TMEM117: variants seen among roughly 807,000 people sequenced by gnomAD.
TMEM117 encodes the protein transmembrane protein 117.
Under a neutral mutation model 52.4 loss-of-function variants are expected in TMEM117, and 27 were observed. The observed-to-expected ratio is 0.51, with a 90% CI of 0.38 to 0.71. The LOEUF (loss-of-function observed/expected upper bound fraction) is 0.71, where lower values mean the gene tolerates loss of function less well. Among genes scored for constraint, TMEM117 ranks in the 30% least tolerant of loss-of-function variants. TMEM117 has a pLI of 0.00. For synonymous variants in TMEM117, 215 were observed against 206.3 expected (o/e 1.04, Z -0.36); for missense variants, 556 against 630.5 (o/e 0.88, Z 1.26).
intron 3 of TMEM117, among the ~76,000 whole-genome samples, chr12:44,056,635 A>G (rs1037553403): frequency 2.0e-5 from 3 of 152,158 alleles, no homozygotes; most frequent in Middle Eastern, 3.2e-3. Flanking sequence ...TAAATTATAC[A>G]TTTGTGGGAA....
chr12:43,882,148 A>G lies in TMEM117; in HGVS notation c.277+37220A>G, dbSNP rs550507075. 3.3e-5 allele frequency among the ~76,000 whole-genome samples: 5 copies of G among 152,266 alleles called. No homozygotes were observed. In the South Asian group the frequency reaches 6.2e-4, roughly 19 times the overall value. On this transcript the variant is annotated intron_variant, in intron 2 of 7. Coordinates refer to ENST00000266534, the MANE Select transcript of TMEM117 (RefSeq NM_032256.3). ...TGTACTTACTAAAAAATTTAAAATT[A>G]TGTGTGAAGCTTGCATTATATTCCT...
intron 3 of TMEM117, among the ~76,000 whole-genome samples, chr12:44,135,996 T>C (rs1948485027): frequency 6.6e-6 from 1 of 152,218 alleles, no homozygotes; most frequent in East Asian, 1.9e-4. Flanking sequence ...AATCATTATA[T>C]AGGGTAAATT....
chr12:44,298,677 A>G (rs1950798953), intron 5 of TMEM117, among the ~76,000 whole-genome samples: 1 of 151,048 alleles, frequency 6.6e-6, no homozygotes, highest in South Asian at 2.1e-4. Context: ...ACAAAGATAG[A>G]TAAGAGAAAA....
intron 2 of TMEM117, among the ~76,000 whole-genome samples, chr12:43,897,362 G>A (rs1339455491): frequency 2.0e-5 from 3 of 150,606 alleles, no homozygotes; most frequent in Admixed American, 6.6e-5. Flanking sequence ...CCTGGGCTGG[G>A]GTACAATGGC....
intron 7 of TMEM117, among the ~76,000 whole-genome samples, chr12:44,377,536 T>G (rs1009061015): frequency 2.0e-5 from 3 of 152,210 alleles, no homozygotes; most frequent in Non-Finnish European, 1.5e-5. Flanking sequence ...TAATATCCTT[T>G]CATGACATAT....
intron 5 of TMEM117, among the ~76,000 whole-genome samples, chr12:44,270,560 A>C (rs2138566147): frequency 6.6e-6 from 1 of 152,232 alleles, no homozygotes; most frequent in South Asian, 2.1e-4. Context: ...TCATCGGTAA[A>C]GAGTGACAGT....
chr12:44,283,742 C>G lies in TMEM117; in HGVS notation c.609-15838C>G, dbSNP rs578128241. Among the ~76,000 whole-genome samples the G allele has an allele frequency of 7.2e-5, 11 of 152,132 alleles. No individual in the cohort carries two copies. In the South Asian group the frequency reaches 1.9e-3, roughly 26 times the overall value. ...AGACTTTGGGAGACTGTTGGGAAGG[C>G]GTGATTGGTTTTGAAATGTGAGGAC... On this transcript the variant is annotated intron_variant, in intron 5 of 7. Transcript: ENST00000266534.
rs574869717 is a variant in TMEM117 at position 44,378,353 on chromosome 12, G to C, written c.898+1629G>C. 7.2e-5 allele frequency among the ~76,000 whole-genome samples: 11 copies of C among 152,152 alleles called. No individual in the cohort carries two copies. The South Asian group carries it at 2.3e-3, about 32-fold the overall frequency. ...TCATTTACATTGTCATTTATAGATGGTACAGATTTCAGATTTGTGGTGTCC... is the reference window on the plus strand; with the variant it reads ...TCATTTACATTGTCATTTATAGATGCTACAGATTTCAGATTTGTGGTGTCC... On this transcript the variant is annotated intron_variant, in intron 7 of 7. Transcript: ENST00000266534.
At chr12:43,866,470 G>A (rs1943601671) in intron 2 of TMEM117, among the ~76,000 whole-genome samples, 1 of 151,858 alleles carries the variant, frequency 6.6e-6, no homozygotes, top group South Asian at 2.1e-4. Flanking sequence ...AGCTACTTGG[G>A]AGACTGAGGC....
chr12:44,098,376 AT>A (rs1297643920), intron 3 of TMEM117, among the ~76,000 whole-genome samples: 3 of 151,898 alleles, frequency 2.0e-5, no homozygotes, highest in Non-Finnish European at 4.4e-5. Flanking sequence ...GACAGCAGGC[AT>A]TTTTGCCTAT....
intron 4 of TMEM117, among the ~76,000 whole-genome samples, chr12:44,187,034 A>G (rs1465268396): frequency 6.6e-6 from 1 of 152,190 alleles, no homozygotes; most frequent in East Asian, 1.9e-4. Context: ...ATGTTAAACC[A>G]GCAGTAATTT....
chr12:43,841,435 G>T lies in TMEM117; in HGVS notation c.-28-3189G>T, dbSNP rs147821895. ...TGATAGTAGCATTCATGGCATTACT[G>T]TGGTAATTAAATAAGATCATGTACT... is the stretch of plus-strand genomic sequence containing the variant. On this transcript the variant is annotated intron_variant, in intron 1 of 7. Transcript: ENST00000266534. Among the ~76,000 whole-genome samples, 1,141 of 152,242 alleles carry T rather than the reference G, an allele frequency of 7.5e-3. 18 individuals are homozygous for T. Among genetic ancestry groups the T allele is most frequent in the African/African-American group, 0.026 (1,098 of 41,522 alleles).
chr12:44,159,295 G>A (rs77285966), intron 4 of TMEM117, among the ~76,000 whole-genome samples: 2,649 of 152,066 alleles, frequency 0.017, 59 homozygotes, highest in East Asian at 0.057. Context: ...CCTTTCCTTT[G>A]AAAAAACATT....
intron 3 of TMEM117, among the ~76,000 whole-genome samples, chr12:44,128,408 C>A (rs1290689519): frequency 6.6e-6 from 1 of 152,200 alleles, no homozygotes; most frequent in Non-Finnish European, 1.5e-5. Context: ...GAATTGTTTG[C>A]AAGTCTTTTT....
At chr12:44,390,448 A>C (rs10506248), downstream of TMEM117, among the ~76,000 whole-genome samples, 11,305 of 152,170 alleles carry the variant, frequency 0.074, 538 homozygotes, top group African/African-American at 0.13. Flanking sequence ...AAAGAAGTTG[A>C]TTTAGAAAGT....
At chr12:44,206,056 C>T (rs1344582759) in intron 4 of TMEM117, among the ~76,000 whole-genome samples, 2 of 152,170 alleles carry the variant, frequency 1.3e-5, no homozygotes, top group Non-Finnish European at 2.9e-5. Flanking sequence ...GTTTGACCCA[C>T]ATATTTATTG....
chr12:43,829,986 G>C, the TMEM117 span, among the ~76,000 whole-genome samples: 1 of 151,796 alleles, frequency 6.6e-6, no homozygotes, highest in East Asian at 1.9e-4. Context: ...TACTCTGGAG[G>C]CTGAGGCAGG....
chr12:44,090,963 CATATCAAGATAA>C (rs1260957501), intron 3 of TMEM117, among the ~76,000 whole-genome samples: 1 of 146,436 alleles, frequency 6.8e-6, no homozygotes, highest in Non-Finnish European at 1.5e-5. Flanking sequence ...CATATTAAAA[CATATCAAGATAA>C]ATACTTTAAG....
chr12:44,214,004 C>G (rs775597395), intron 5 of TMEM117, among the ~76,000 whole-genome samples: 1 of 152,032 alleles, frequency 6.6e-6, no homozygotes, highest in Non-Finnish European at 1.5e-5. Flanking sequence ...CTATAGGCCC[C>G]TATGATTGTT....
Sources: allele counts gnomAD v4.1 joint callset (sites outside exome capture counted in the v4.1 genomes callset), GRCh38; gene constraint gnomAD v4.1.1; transcripts MANE v1.5; gene names NCBI Gene and HGNC (gene_info 2026-07-23, HGNC 2026-07-21).